The following PLXNA2 variants were observed in gnomAD, a reference collection of about 807,000 sequenced individuals.
The protein encoded by PLXNA2 is plexin-A2.
PLXNA2 carries 91 observed loss-of-function variants against 193.5 expected under a neutral mutation model. That is an observed-to-expected ratio of 0.47 (90% CI 0.40 to 0.56). The LOEUF (loss-of-function observed/expected upper bound fraction) is 0.56. PLXNA2 is among the 20% of genes least tolerant of loss of function. The pLI is 0.00. For synonymous variants in PLXNA2, 997 were observed against 1,027.3 expected, an observed-to-expected ratio of 0.97 and a Z score of 0.56; for missense variants, 1,995 against 2,503.2, an observed-to-expected ratio of 0.80 and a Z score of 4.33.
intron 4 of PLXNA2, among the ~76,000 whole-genome samples, chr1:208,127,905 CT>C (rs995175598): frequency 3.9e-5 from 6 of 152,182 alleles, no homozygotes; most frequent in African/African-American, 1.4e-4. Flanking sequence ...CTGACTGCCC[CT>C]CCTCTCTGTG....
chr1:208,030,742 C>T (rs750138371), intron 29 of PLXNA2: 81 of 985,318 alleles, frequency 8.2e-5, no homozygotes, highest in Non-Finnish European at 9.5e-5. Flanking sequence ...GCTGCGTGGG[C>T]TGCCTGCCCA....
At chr1:208,054,334 A>G in intron 14 of PLXNA2, 87 bp downstream of exon 14, 1 of 833,030 alleles carries the variant, frequency 1.2e-6, no homozygotes, top group Non-Finnish European at 2.0e-6. Context: ...CTGGTGGTGG[A>G]GGGGAGTGGG....
At chr1:208,213,216 T>C (rs979371248) in intron 2 of PLXNA2, among the ~76,000 whole-genome samples, 1 of 152,232 alleles carries the variant, frequency 6.6e-6, no homozygotes, top group South Asian at 2.1e-4. Context: ...TGGCTGGAAT[T>C]TCTTTCCTCC....
rs747212210 is a variant in PLXNA2, at chr1:208,142,445, G to A, written c.1390C>T (p.Pro464Ser). The change falls in exon 4 of 32, where the codon CCC (proline) becomes TCC (serine). Residue 464 changes from proline (P) to serine (S), a missense_variant. Transcript: ENST00000367033. ...ATCTCGTACTGGACCCCACCATGGG[G>A]GGGACCGTCGGCCCGAATCTGTATG... ...KLKKIRADGP[P>S]HGGVQYEMVS... 1.2e-6 allele frequency: 2 copies of A among 1,610,222 alleles called. No homozygotes were observed. The highest frequency in any genetic ancestry group is 2.7e-5 in the African/African-American group (2 of 74,812).
rs372693240 is a variant in PLXNA2, at chr1:208,044,650, G to A, written c.3732C>T (p.Ala1244=). ...CGATGATGAGGAGGAGGCTGCCGCCGGCCGCGATGCTGACGATGGCTGGCA... is the reference window on the plus strand; with the variant it reads ...CGATGATGAGGAGGAGGCTGCCGCCAGCCGCGATGCTGACGATGGCTGGCA... ...LTLPAIVSIA[A]GGSLLLIIVI... The change falls in exon 20 of 32, where the codon GCC becomes GCT. Residue 1244 remains alanine, a synonymous_variant. Transcript: ENST00000367033. This position sits in a 1 kb window ranked among gnomAD's most constrained non-coding sequence, Gnocchi z 4.9. 283 of 1,614,062 alleles carry A rather than the reference G, an allele frequency of 1.8e-4. No individual in the cohort carries two copies. In the East Asian group the frequency reaches 3.4e-3, roughly 19 times the overall value.
chr1:208,088,786 T>TC (rs1272659310), intron 9 of PLXNA2, among the ~76,000 whole-genome samples: 1 of 152,248 alleles, frequency 6.6e-6, no homozygotes, highest in African/African-American at 2.4e-5. Context: ...ATGTGTGTTG[T>TC]AAGTGGTAAT....
At chr1:208,213,965 G>T (rs1235412947) in intron 2 of PLXNA2, among the ~76,000 whole-genome samples, 1 of 152,084 alleles carries the variant, frequency 6.6e-6, no homozygotes, top group Non-Finnish European at 1.5e-5. Context: ...CTTTCCTCTG[G>T]CTCAGAAGCA....
rs1464216258 is a variant in PLXNA2, at chr1:208,033,518, A to G, written c.4865-9T>C. ...ATACCTGAAGGAGGAGTCTGAGGAGAAGGGGTTGGTGGAGGGCTGTGAGTA... is the reference window on the plus strand; with the variant it reads ...ATACCTGAAGGAGGAGTCTGAGGAGGAGGGGTTGGTGGAGGGCTGTGAGTA... On this transcript the variant is annotated splice_polypyrimidine_tract_variant and intron_variant, in intron 27 of 31. Transcript: ENST00000367033. 6.3e-7 allele frequency: 1 copy of G among 1,594,070 alleles called. No individual in the cohort carries two copies. The highest frequency in any genetic ancestry group is 1.3e-5 in the African/African-American group (1 of 74,506).
At chr1:208,052,601 C>A in intron 14 of PLXNA2, 138 bp from the exon 15 acceptor site, 2 of 764,268 alleles carry the variant, frequency 2.6e-6, no homozygotes, top group South Asian at 1.8e-5. Flanking sequence ...ATCCTAAATG[C>A]TCTCTCTGCT....
chr1:208,168,601 C>T (rs1234956232), intron 3 of PLXNA2, among the ~76,000 whole-genome samples: 2 of 152,038 alleles, frequency 1.3e-5, no homozygotes, highest in East Asian at 3.9e-4. Context: ...ATACAGCTAG[C>T]CTGGGATATA....
intron 3 of PLXNA2, among the ~76,000 whole-genome samples, chr1:208,168,723 G>GTTTTTTTTTTTT (rs751893998): frequency 0.017 from 1,735 of 102,100 alleles, 423 homozygotes; most frequent in Middle Eastern, 0.036. Context: ...GAGTATGCGG[G>GTTTTTTTTTTTT]GTTTTTTTTT....
At chr1:208,213,060 C>T (rs905907395) in intron 2 of PLXNA2, among the ~76,000 whole-genome samples, 7 of 152,112 alleles carry the variant, frequency 4.6e-5, no homozygotes, top group Non-Finnish European at 7.3e-5. Context: ...AGTCTGGGCA[C>T]AGGCGTAGCC....
intron 1 of PLXNA2, among the ~76,000 whole-genome samples, chr1:208,222,135 T>C (rs1671357686): frequency 6.6e-6 from 1 of 152,228 alleles, no homozygotes; most frequent in Non-Finnish European, 1.5e-5. Context: ...TTTCCCATCC[T>C]CAGTTTGGTA....
intron 21 of PLXNA2, among the ~76,000 whole-genome samples, chr1:208,042,642 A>G (rs1664909559): frequency 6.6e-6 from 1 of 152,192 alleles, no homozygotes; most frequent in Admixed American, 6.5e-5. Context: ...CAAGGATAGA[A>G]TAGGAGATGC....
rs59366590 is a variant in PLXNA2, at chr1:208,182,047, T to TAGCTCAGCTC, written c.1371+28223_1371+28232dup. Among the ~76,000 whole-genome samples, 6 of 151,728 alleles carry TAGCTCAGCTC rather than the reference T, an allele frequency of 4.0e-5. No individual in the cohort carries two copies. In the South Asian group the frequency reaches 8.3e-4, roughly 21 times the overall value. On this transcript the variant is annotated intron_variant, in intron 3 of 31. Coordinates refer to ENST00000367033, the MANE Select transcript of PLXNA2 (RefSeq NM_025179.4). ...CTCTTTCACCGTGGCCTGTTCAGTC[T>TAGCTCAGCTC]AGCTCAGCTCAGCTCAGCTCCAGAG...
chr1:208,073,078 A>G (rs1424224678), intron 12 of PLXNA2, among the ~76,000 whole-genome samples: 1 of 152,130 alleles, frequency 6.6e-6, no homozygotes, highest in African/African-American at 2.4e-5. Flanking sequence ...TGTTTCCCCA[A>G]CTCTTAAGTG....
intron 3 of PLXNA2, among the ~76,000 whole-genome samples, chr1:208,185,192 C>T (rs1669957081): frequency 6.6e-6 from 1 of 152,180 alleles, no homozygotes; most frequent in East Asian, 1.9e-4. Flanking sequence ...AGGAAAACTC[C>T]TGGCTTGGCC....
chr1:208,055,002 T>A (rs1409593382), intron 13 of PLXNA2, among the ~76,000 whole-genome samples: 2 of 152,192 alleles, frequency 1.3e-5, no homozygotes, highest in Non-Finnish European at 2.9e-5. Flanking sequence ...GATTCAGTTG[T>A]GGTTTGCTTC....
chr1:208,155,045 T>G (rs1668894808), intron 3 of PLXNA2, among the ~76,000 whole-genome samples: 1 of 152,080 alleles, frequency 6.6e-6, no homozygotes, highest in African/African-American at 2.4e-5. Context: ...TGGGGGAAAT[T>G]AGTACCTCCT....
Sources: gnomAD v4.1 joint callset for allele counts (sites outside exome capture counted in the v4.1 genomes callset) on GRCh38, gnomAD v4.1.1 for gene constraint, Gnocchi (gnomAD v3.1) non-coding constraint, MANE v1.5 for transcripts, NCBI Gene and HGNC (gene_info 2026-07-23, HGNC 2026-07-21) for gene names.